Variants in MRC2 observed in about 807,000 individuals in gnomAD.
The protein encoded by MRC2 is C-type mannose receptor 2.
A neutral mutation model predicts 206.2 loss-of-function variants in MRC2; 84 were observed. The ratio of observed to expected loss-of-function variants is 0.41; its 90% confidence interval spans 0.34 to 0.49. The LOEUF (loss-of-function observed/expected upper bound fraction) is 0.49. MRC2 is among the 20% of genes least tolerant of loss of function. The pLI, the probability that MRC2 is intolerant of heterozygous loss-of-function variation, is 0.31. For missense variants in MRC2, 1,676 were observed against 2,001.5 expected (o/e 0.84, Z 3.10); for synonymous variants, 798 against 800.0 (o/e 1.00, Z 0.04).
intron 1 of MRC2, among the ~76,000 whole-genome samples, chr17:62,639,403 C>G (rs2147434488): frequency 6.6e-6 from 1 of 152,272 alleles, no homozygotes; most frequent in Middle Eastern, 3.4e-3. Flanking sequence ...AATTAGCTTT[C>G]TTTAACTACT....
Position 62,680,300 on chromosome 17 carries a change from T to TCCC in MRC2, c.2431_2433dup (p.Pro811dup). The TCCC allele has an allele frequency of 6.2e-7, 1 of 1,613,702 alleles. No homozygotes were observed. Among genetic ancestry groups the TCCC allele is most frequent in the Non-Finnish European group, 8.5e-7 (1 of 1,179,888 alleles). On this transcript the variant is annotated inframe_insertion, in exon 15 of 30. Transcript: ENST00000303375. The surrounding 1 kb of genome is among the most constrained non-coding windows in gnomAD (Gnocchi z 4.8). ...ACACAGCTGGACTGGATCTGCAAGA[T>TCCC]CCCCAGAGGTTGGCCGGAGTGGCGC... is the stretch of plus-strand genomic sequence containing the variant.
In MRC2 at chr17:62,688,895, C is replaced by T; in HGVS notation, c.3269C>T (p.Thr1090Ile). Reference sequence around the variant, plus strand: ...CTGCACAGCCCCTCAGCCCACTTCACTGGCCGCTGGGACGATCGGAGCTGC... The same window carrying T: ...CTGCACAGCCCCTCAGCCCACTTCATTGGCCGCTGGGACGATCGGAGCTGC... Reference protein sequence around the residue: ...VVLHSPSAHFTGRWDDRSCTE... With the variant: ...VVLHSPSAHFIGRWDDRSCTE... Residue 1090 changes from threonine to isoleucine, a missense_variant, in exon 23 of 30, where the codon ACT (threonine) becomes ATT (isoleucine). Around this residue, in one of 3 missense-constraint regions of MRC2, gnomAD observed 1,354 missense variants for 1,636.6 expected, o/e 0.83. Coordinates refer to ENST00000303375, the MANE Select transcript of MRC2 (RefSeq NM_006039.5). The T allele has an allele frequency of 6.2e-7, 1 of 1,613,660 alleles. No homozygotes were observed. The highest frequency in any genetic ancestry group is 8.5e-7 in the Non-Finnish European group (1 of 1,179,996).
rs187454993 is a variant in MRC2 at position 62,687,481 on chromosome 17, C to T, written c.2947-808C>T. Among the ~76,000 whole-genome samples, 35 of 152,298 alleles carry T rather than the reference C, an allele frequency of 2.3e-4. No homozygotes were observed. In the Middle Eastern group the frequency reaches 0.017, roughly 74 times the overall value. ...GGCCAACACCCTTTATTTTCCATCA[C>T]ACTGCCTCTGAGCAGAAAATCATTA... On this transcript the variant is annotated intron_variant, in intron 20 of 29. Transcript: ENST00000303375.
At chr17:62,628,415 C>G (rs1287422472) in intron 1 of MRC2, among the ~76,000 whole-genome samples, 1 of 152,162 alleles carries the variant, frequency 6.6e-6, no homozygotes, top group Non-Finnish European at 1.5e-5. Context: ...TTCCCCCCGC[C>G]CCCTGCATCT....
At chr17:62,678,359 T>G in intron 12 of MRC2, 145 bp from the exon 13 acceptor site, 3 of 1,133,996 alleles carry the variant, frequency 2.6e-6, no homozygotes, top group African/African-American at 1.6e-5. Flanking sequence ...CCTCTGCAGA[T>G]GAACAGGATT....
intron 26 of MRC2, among the ~76,000 whole-genome samples, 164 bp from the exon 27 acceptor site, chr17:62,690,478 C>G: frequency 6.6e-6 from 1 of 151,482 alleles, no homozygotes; most frequent in East Asian, 1.9e-4. Flanking sequence ...TGTGCATATG[C>G]TGCCCCCCCA....
At chr17:62,662,583 C>G (rs575307909) in intron 1 of MRC2, among the ~76,000 whole-genome samples, 82 of 152,258 alleles carry the variant, frequency 5.4e-4, no homozygotes, top group Admixed American at 4.4e-3. Flanking sequence ...AAGCACTTTG[C>G]CCAAGTCCCA....
rs1353819861 is a variant in MRC2, at chr17:62,692,362, C to T, written c.4351C>T (p.Arg1451Cys). 8.3e-6 allele frequency: 13 copies of T among 1,572,832 alleles called. No individual in the cohort carries two copies. The highest frequency in any genetic ancestry group is 1.7e-4 in the Middle Eastern group (1 of 6,010). Residue 1451 changes from arginine to cysteine, a missense_variant, in exon 30 of 30, where the codon CGC becomes TGC. By Grantham distance (180) the Arg-to-Cys change is radical. This residue lies in a region of MRC2 where 1,354 missense variants were observed against 1,636.6 expected (regional missense o/e 0.83). Transcript: ENST00000303375. The surrounding 1 kb of genome is among the most constrained non-coding windows in gnomAD (Gnocchi z 4.2). ...SIERGAFEGA[R>C]YSRSSSSPTE... ...CGAGCGCGGGGCCTTTGAGGGTGCCCGCTACAGCCGCAGCAGCTCCAGCCC... is the reference window on the plus strand; with the variant it reads ...CGAGCGCGGGGCCTTTGAGGGTGCCTGCTACAGCCGCAGCAGCTCCAGCCC...
chr17:62,666,718 G>T lies in MRC2; in HGVS notation c.860-39G>T. 1 of 1,602,004 alleles carries T rather than the reference G, an allele frequency of 6.2e-7. No homozygotes were observed. The highest frequency in any genetic ancestry group is 8.5e-7 in the Non-Finnish European group (1 of 1,172,416). On this transcript the variant is annotated intron_variant, in intron 4 of 29. Transcript: ENST00000303375. The surrounding 1 kb of genome is among the most constrained non-coding windows in gnomAD (Gnocchi z 5.0). ...GCGATGGGGAGCGGGGGAGGCTGGGGCTGGGGATCCCCTGTTCAGTGTCCC... is the reference window on the plus strand; with the variant it reads ...GCGATGGGGAGCGGGGGAGGCTGGGTCTGGGGATCCCCTGTTCAGTGTCCC...
In MRC2 at chr17:62,634,343, C is replaced by G. The variant is rs189842381; in HGVS notation, c.118+6423C>G. Among the ~76,000 whole-genome samples the G allele has an allele frequency of 2.0e-5, 3 of 152,192 alleles. No individual in the cohort carries two copies. In the East Asian group the frequency reaches 5.8e-4, roughly 29 times the overall value. ...TGAGATGGAGTCTCACTCTGTTGCC[C>G]AGGCTGAAGTGCGATGGCGTGGTCT... On this transcript the variant is annotated intron_variant, in intron 1 of 29. Coordinates refer to ENST00000303375, the MANE Select transcript of MRC2 (RefSeq NM_006039.5).
At chr17:62,661,964 T>C (rs2147460782) in intron 1 of MRC2, among the ~76,000 whole-genome samples, 1 of 152,310 alleles carries the variant, frequency 6.6e-6, no homozygotes. Context: ...AAGATTATTC[T>C]AGGCCAGGTG....
intron 1 of MRC2, among the ~76,000 whole-genome samples, chr17:62,651,465 G>A (rs2147449107): frequency 6.6e-6 from 1 of 152,342 alleles, no homozygotes; most frequent in Non-Finnish European, 1.5e-5. Flanking sequence ...TGGGTCCTCA[G>A]TGGGCACTTG....
chr17:62,678,117 G>T (rs926197419), intron 12 of MRC2, among the ~76,000 whole-genome samples: 1 of 152,226 alleles, frequency 6.6e-6, no homozygotes, highest in African/African-American at 2.4e-5. Context: ...AGATTCATTA[G>T]GTCTGGATTG....
chr17:62,659,265 C>A, intron 1 of MRC2, among the ~76,000 whole-genome samples: 1 of 152,234 alleles, frequency 6.6e-6, no homozygotes, highest in Admixed American at 6.5e-5. Flanking sequence ...ACAGGCCGGG[C>A]GTGGTGGCTC....
chr17:62,680,186 T>C lies in MRC2; in HGVS notation c.2315T>C (p.Phe772Ser). Residue 772 changes from phenylalanine (F) to serine (S), a missense_variant, in exon 15 of 30, where the codon TTC (phenylalanine) becomes TCC (serine). Around this residue, in one of 3 missense-constraint regions of MRC2, gnomAD observed 1,354 missense variants for 1,636.6 expected, o/e 0.83. Transcript: ENST00000303375. The surrounding 1 kb of genome is among the most constrained non-coding windows in gnomAD (Gnocchi z 4.8). ...CTCCTCCAGTTCTCTTACCACAATT[T>C]CGACCGGAGCCGGCACGACGACGAC... is the stretch of plus-strand genomic sequence containing the variant. ...SDGVGFSYHNFDRSRHDDDDI... is the reference protein window; with the variant it reads ...SDGVGFSYHNSDRSRHDDDDI... The C allele has an allele frequency of 6.2e-7, 1 of 1,614,074 alleles. No individual in the cohort carries two copies. The highest frequency in any genetic ancestry group is 8.5e-7 in the Non-Finnish European group (1 of 1,179,988).
At chr17:62,631,840 G>GTTCA (rs886364598) in intron 1 of MRC2, among the ~76,000 whole-genome samples, 1 of 152,166 alleles carries the variant, frequency 6.6e-6, no homozygotes, top group Non-Finnish European at 1.5e-5. Context: ...TCACATGGTT[G>GTTCA]TTCATTCATT....
chr17:62,666,533 C>T lies in MRC2; in HGVS notation c.773C>T (p.Ser258Leu), dbSNP rs770189073. Residue 258 changes from serine (S) to leucine (L), a missense_variant, in exon 4 of 30, where the codon TCG becomes TTG. Around this residue, in one of 3 missense-constraint regions of MRC2, gnomAD observed 4 missense variants for 18.3 expected, o/e 0.22. Coordinates refer to ENST00000303375, the MANE Select transcript of MRC2 (RefSeq NM_006039.5). This position sits in a 1 kb window ranked among gnomAD's most constrained non-coding sequence, Gnocchi z 5.0. ...CYQFNFQSTL[S>L]WREAWASCEQ... ...CAGTTTAACTTCCAGTCCACGCTGT[C>T]GTGGAGGGAGGCCTGGGCCAGCTGC... 1.2e-6 allele frequency: 2 copies of T among 1,613,450 alleles called. No homozygotes were observed. The highest frequency in any genetic ancestry group is 2.2e-5 in the East Asian group (1 of 44,878).
intron 1 of MRC2, among the ~76,000 whole-genome samples, chr17:62,655,048 G>A (rs1438989230): frequency 6.6e-6 from 1 of 152,250 alleles, no homozygotes; most frequent in Admixed American, 6.5e-5. Flanking sequence ...CACTTTGGGA[G>A]GCCGAGGCAG....
rs1210930013 is a variant in MRC2, at chr17:62,681,499, A to G, written c.2703-338A>G. The G allele has an allele frequency of 8.7e-6, 4 of 460,438 alleles. No individual in the cohort carries two copies. The East Asian group carries it at 1.7e-4, about 20-fold the overall frequency. 28.5% of individuals were successfully genotyped at this position (460,438 alleles called of 1,614,324 possible). ...GCCTCTTTGTATTTGGTGCCTACTT[A>G]CCATGTACTGGGGGGCTTGAGGCAG... On this transcript the variant is annotated intron_variant, in intron 18 of 29. Coordinates refer to ENST00000303375, the MANE Select transcript of MRC2 (RefSeq NM_006039.5).
Sources: allele counts gnomAD v4.1 joint callset (sites outside exome capture counted in the v4.1 genomes callset), GRCh38; gene constraint gnomAD v4.1.1; regional missense constraint gnomAD v4.1.1; non-coding constraint Gnocchi (gnomAD v3.1); transcripts MANE v1.5; gene names NCBI Gene and HGNC (gene_info 2026-07-23, HGNC 2026-07-21).